The following SLIT2 variants were observed in gnomAD, a reference collection of about 807,000 sequenced individuals.
The protein encoded by SLIT2 is slit guidance ligand 2, also known as slit homolog 2 protein.
A neutral mutation model predicts 185.7 loss-of-function variants in SLIT2; 41 were observed. The ratio of observed to expected loss-of-function variants is 0.22; its 90% CI spans 0.17 to 0.29. SLIT2 has a LOEUF of 0.29. SLIT2 is among the 10% of genes least tolerant of loss of function. SLIT2 has a pLI of 1.00. For synonymous variants in SLIT2, 693 were observed against 680.2 expected (o/e 1.02, Z -0.29); for missense variants, 1,571 against 1,909.0 (o/e 0.82, Z 3.30).
At chr4:20,600,413 ATTTTTTTTTTTT>A (rs1281627568) in intron 33 of SLIT2, among the ~76,000 whole-genome samples, 2 of 89,500 alleles carry the variant, frequency 2.2e-5, no homozygotes, top group Non-Finnish European at 4.2e-5. Flanking sequence ...ATTATGTTGC[ATTTTTTTTTTTT>A]TTTTTTTTTT....
chr4:20,263,625 A>G (rs1457633234), intron 3 of SLIT2, among the ~76,000 whole-genome samples: 1 of 151,932 alleles, frequency 6.6e-6, no homozygotes, highest in Non-Finnish European at 1.5e-5. Flanking sequence ...CAGAAACGCT[A>G]GAAAAGAGTG....
intron 4 of SLIT2, among the ~76,000 whole-genome samples, chr4:20,382,791 A>G (rs757862708): frequency 6.6e-6 from 1 of 152,170 alleles, no homozygotes; most frequent in Non-Finnish European, 1.5e-5. Flanking sequence ...GAAATTGACA[A>G]ACTAAGTATA....
rs150694043 is a variant in SLIT2, at chr4:20,261,861, G to C, written c.323+3922G>C. Among the ~76,000 whole-genome samples the C allele has an allele frequency of 6.5e-3, 993 of 151,840 alleles. 6 individuals are homozygous for C. Among genetic ancestry groups the C allele is most frequent in the Non-Finnish European group, 9.4e-3 (634 of 67,754 alleles). On this transcript the variant is annotated intron_variant, in intron 3 of 36. Transcript: ENST00000504154. The stretch of plus-strand genomic sequence containing the variant: ...AAAATTGTGGAAATAACAAAGGCAG[G>C]CATGTGGAGTGTTCATCTTTTCCCA...
intron 4 of SLIT2, among the ~76,000 whole-genome samples, chr4:20,410,243 CTTTTT>C (rs1160985126): frequency 7.2e-5 from 5 of 69,054 alleles, no homozygotes; most frequent in Non-Finnish European, 1.4e-4. Context: ...TCTTTCTTTT[CTTTTT>C]TTTTTTTTTT....
At chr4:20,472,838 A>G (rs1715708461) in intron 5 of SLIT2, among the ~76,000 whole-genome samples, 1 of 151,114 alleles carries the variant, frequency 6.6e-6, no homozygotes, top group Non-Finnish European at 1.5e-5. Flanking sequence ...TTATTCTTGA[A>G]GAACTAATAG....
chr4:20,407,409 G>A (rs1446245851), intron 4 of SLIT2, among the ~76,000 whole-genome samples: 3 of 152,160 alleles, frequency 2.0e-5, no homozygotes, highest in Non-Finnish European at 4.4e-5. Context: ...TTCAGTTCAT[G>A]AAGAACAAAA....
At chr4:20,595,915 G>A (rs748750507) in intron 31 of SLIT2, 81 bp downstream of exon 31, 20 of 1,216,576 alleles carry the variant, frequency 1.6e-5, no homozygotes, top group African/African-American at 3.0e-5. Flanking sequence ...TAGTGTAATC[G>A]TACATTTTAA....
chr4:20,265,114 G>A (rs1189220455), intron 3 of SLIT2, among the ~76,000 whole-genome samples: 7 of 151,758 alleles, frequency 4.6e-5, no homozygotes, highest in Non-Finnish European at 8.8e-5. Context: ...ACTCATTTAC[G>A]TTAGAGATCT....
intron 4 of SLIT2, among the ~76,000 whole-genome samples, chr4:20,291,037 A>T (rs948654177): frequency 4.6e-5 from 7 of 151,986 alleles, no homozygotes; most frequent in Admixed American, 3.9e-4. Flanking sequence ...TAATGTGGTC[A>T]GCACCCAACT....
intron 4 of SLIT2, among the ~76,000 whole-genome samples, chr4:20,279,170 A>T (rs1714480818): frequency 6.6e-6 from 1 of 152,222 alleles, no homozygotes; most frequent in Non-Finnish European, 1.5e-5. Context: ...CATTTCATGT[A>T]TTGAGGTTGG....
intron 4 of SLIT2, among the ~76,000 whole-genome samples, chr4:20,281,764 C>A (rs1212087724): frequency 6.6e-6 from 1 of 152,152 alleles, no homozygotes; most frequent in Non-Finnish European, 1.5e-5. Context: ...ACCACACCAT[C>A]CCTTGGAATT....
chr4:20,265,461 G>A (rs185166810), intron 3 of SLIT2, among the ~76,000 whole-genome samples: 72 of 151,940 alleles, frequency 4.7e-4, no homozygotes, highest in African/African-American at 1.6e-3. Flanking sequence ...AAAGGGAAAC[G>A]TATACTGTTT....
At chr4:20,460,290 A>G (rs1391547672) in intron 4 of SLIT2, among the ~76,000 whole-genome samples, 1 of 152,192 alleles carries the variant, frequency 6.6e-6, no homozygotes, top group Non-Finnish European at 1.5e-5. Flanking sequence ...CATATTGTCT[A>G]ACAGGAGAGA....
chr4:20,567,682 AT>A (rs1725219398), intron 28 of SLIT2, 67 bp downstream of exon 28: 18 of 1,238,172 alleles, frequency 1.5e-5, no homozygotes, highest in Non-Finnish European at 2.1e-5. Context: ...GCCAACATAC[AT>A]TTTCCTTTTC....
chr4:20,595,935 AAG>A (rs1330516436), intron 31 of SLIT2, 101 bp downstream of exon 31: 1 of 1,016,850 alleles, frequency 9.8e-7, no homozygotes, highest in East Asian at 2.5e-5. Context: ...AAATAACTAA[AAG>A]AGTATAACTG....
intron 9 of SLIT2, among the ~76,000 whole-genome samples, chr4:20,505,606 T>G (rs1188604907): frequency 6.6e-6 from 1 of 152,062 alleles, no homozygotes; most frequent in African/African-American, 2.4e-5. Context: ...GCATGTTGTG[T>G]AGTCTACTTA....
intron 4 of SLIT2, among the ~76,000 whole-genome samples, chr4:20,368,219 C>CAAAAAAAAAAAAAAAGAAAAAAAAAAAA (rs1723279346): frequency 1.9e-5 from 2 of 107,424 alleles, no homozygotes; most frequent in East Asian, 2.6e-4. Flanking sequence ...CACAAAATAG[C>CAAAAAAAAAAAAAAAGAAAAAAAAAAAA]AAAAAAAAAA....
chr4:20,311,619 T>TAAGAAC (rs1038549478), intron 4 of SLIT2, among the ~76,000 whole-genome samples: 4 of 152,166 alleles, frequency 2.6e-5, no homozygotes, highest in Non-Finnish European at 5.9e-5. Flanking sequence ...TTCTTAAGAA[T>TAAGAAC]AAGAACATTT....
At chr4:20,474,194 T>C (rs1715860341) in intron 5 of SLIT2, among the ~76,000 whole-genome samples, 1 of 152,018 alleles carries the variant, frequency 6.6e-6, no homozygotes, top group Non-Finnish European at 1.5e-5. Flanking sequence ...TTTTATTGCC[T>C]TTCTGAAATG....
Sources: gnomAD v4.1 joint callset for allele counts (sites outside exome capture counted in the v4.1 genomes callset) on GRCh38, gnomAD v4.1.1 for gene constraint, MANE v1.5 for transcripts, NCBI Gene and HGNC (gene_info 2026-07-23, HGNC 2026-07-21) for gene names.